The following EIF4G1 variants were observed in gnomAD, a reference collection of about 807,000 sequenced individuals.
The protein encoded by EIF4G1 is eukaryotic translation initiation factor 4 gamma 1, also known as EIF4-gamma.
In EIF4G1, 4 loss-of-function variants were observed where a neutral mutation model predicts 187.8. The observed-to-expected ratio is 0.02, with a 90% CI of 0.01 to 0.05. The LOEUF is 0.05. Among genes scored for constraint, EIF4G1 ranks in the 10% least tolerant of loss-of-function variants. EIF4G1 has a pLI of 1.00. For synonymous variants in EIF4G1, 844 were observed against 781.4 expected, an observed-to-expected ratio of 1.08 and a Z score of -1.34; for missense variants, 1,647 against 2,081.1, an observed-to-expected ratio of 0.79 and a Z score of 4.06.
At chr3:184,330,372 C>CTT (rs1725814188) in intron 28 of EIF4G1, among the ~76,000 whole-genome samples, 1 of 151,852 alleles carries the variant, frequency 6.6e-6, no homozygotes, top group South Asian at 2.1e-4. Context: ...GAGCAAGACT[C>CTT]TGTCTCAAAA....
Position 184,335,213 on chromosome 3 carries a change from T to A in EIF4G1, c.*305T>A. 2 of 367,614 alleles carry A rather than the reference T, an allele frequency of 5.4e-6. No homozygotes were observed. The highest frequency in any genetic ancestry group is 6.4e-5 in the South Asian group (2 of 31,418). 22.8% of individuals were successfully genotyped at this position (367,614 alleles called of 1,614,324 possible). ...CGCCTGCCCCTGGGGTCCTTTTTTTTATTTTCTGAAAATCACTCTCGGGAC... is the reference window on the plus strand; with the variant it reads ...CGCCTGCCCCTGGGGTCCTTTTTTTAATTTTCTGAAAATCACTCTCGGGAC... On this transcript the variant is annotated 3_prime_UTR_variant, in exon 33 of 33. Coordinates refer to ENST00000346169, the MANE Select transcript of EIF4G1 (RefSeq NM_198241.3).
intron 3 of EIF4G1, 134 bp from the exon 4 acceptor site, chr3:184,315,997 CG>C: frequency 6.5e-7 from 1 of 1,529,154 alleles, no homozygotes; most frequent in Non-Finnish European, 8.8e-7. Flanking sequence ...GGGCTGTCCC[CG>C]GGGGCTGTCA....
chr3:184,333,414 C>T (rs1327089013), intron 32 of EIF4G1, among the ~76,000 whole-genome samples: 2 of 152,044 alleles, frequency 1.3e-5, no homozygotes, highest in East Asian at 1.9e-4. Flanking sequence ...TAAGAGGATA[C>T]GGGCTTGCCT....
intron 17 of EIF4G1, 67 bp downstream of exon 17, chr3:184,324,414 G>A: frequency 1.6e-5 from 25 of 1,609,408 alleles, no homozygotes; most frequent in Non-Finnish European, 2.1e-5. Flanking sequence ...ATGCTACTCA[G>A]CTGTAGAATT....
intron 6 of EIF4G1, among the ~76,000 whole-genome samples, chr3:184,318,352 C>T (rs1028466766): frequency 3.3e-5 from 5 of 152,146 alleles, no homozygotes; most frequent in African/African-American, 7.2e-5. Context: ...AAGAATGTGC[C>T]CGGATCTTGC....
rs1723052106 is a variant in EIF4G1, at chr3:184,317,785, A to G, written c.393A>G (p.Pro131=). 3.1e-6 allele frequency: 5 copies of G among 1,613,998 alleles called. No individual in the cohort carries two copies. Among genetic ancestry groups the G allele is most frequent in the African/African-American group, 1.3e-5 (1 of 74,932 alleles). Residue 131 remains proline, a synonymous_variant, in exon 6 of 33, where the codon CCA becomes CCG. Coordinates refer to ENST00000346169, the MANE Select transcript of EIF4G1 (RefSeq NM_198241.3). ...PVQPGAPGFY[P]GASPTEFGTY... is the part of the protein sequence containing the mutation. ...AGCCAGGAGCCCCAGGCTTCTATCC[A>G]GGTGCAAGCCCTACAGAATTTGGGA...
In EIF4G1 at chr3:184,325,132, T is replaced by C. The variant is rs776329930; in HGVS notation, c.2856+18T>C. 3.7e-6 allele frequency: 6 copies of C among 1,612,358 alleles called. No homozygotes were observed. Among genetic ancestry groups the C allele is most frequent in the Non-Finnish European group, 5.1e-6 (6 of 1,178,692 alleles). ...AAGCCAAGGTAGAGGTCCTTGCATC[T>C]GGAGGGGGATGGGCTGAAGCATATG... On this transcript the variant is annotated intron_variant, in intron 18 of 32. Transcript: ENST00000346169. This position sits in a 1 kb window ranked among gnomAD's most constrained non-coding sequence, Gnocchi z 5.2.
At chr3:184,330,253 C>A (rs1725789229) in intron 28 of EIF4G1, among the ~76,000 whole-genome samples, 1 of 152,106 alleles carries the variant, frequency 6.6e-6, no homozygotes, top group Non-Finnish European at 1.5e-5. Context: ...GTGGTGCGCA[C>A]CTGTAGTCCC....
intron 28 of EIF4G1, among the ~76,000 whole-genome samples, chr3:184,329,589 C>T (rs916977868): frequency 6.6e-6 from 1 of 152,156 alleles, no homozygotes; most frequent in Non-Finnish European, 1.5e-5. Context: ...GATTGTGCCA[C>T]TGCACTCCAG....
intron 32 of EIF4G1, among the ~76,000 whole-genome samples, chr3:184,332,573 A>T (rs1321144799): frequency 6.6e-6 from 1 of 151,998 alleles, no homozygotes; most frequent in Non-Finnish European, 1.5e-5. Flanking sequence ...GAAGCCGAGC[A>T]ATTTCCTGTG....
chr3:184,328,885 C>T lies in EIF4G1; in HGVS notation c.4080-24C>T. 1.9e-6 allele frequency: 3 copies of T among 1,614,082 alleles called. 1 individual carries two copies. In the East Asian group the frequency reaches 6.7e-5, roughly 36 times the overall value. ...GTGAGAGAACTGTGGAGGCTGTCAG[C>T]ATTAGGTTTTTCTCTTCTTGTAGGG... On this transcript the variant is annotated intron_variant, in intron 27 of 32. Transcript: ENST00000346169.
chr3:184,322,367 G>T lies in EIF4G1; in HGVS notation c.1525G>T (p.Val509Leu), dbSNP rs753671653. The change falls in exon 11 of 33, where the codon GTA becomes TTA. Residue 509 changes from valine (V) to leucine (L), a missense_variant. This residue lies in a region of EIF4G1 where 522 missense variants were observed against 485.2 expected (regional missense o/e 1.08). Transcript: ENST00000346169. ...ATTTATTTATTTTTAATTAGTGGCA[G>T]TATCTGTGCCAAAGAGGAGACGGAA... is the stretch of plus-strand genomic sequence containing the variant. ...LEAAAATQVA[V>L]SVPKRRRKIK... is the part of the protein sequence containing the mutation. 1 of 1,613,746 alleles carries T rather than the reference G, an allele frequency of 6.2e-7. No homozygotes were observed. Among genetic ancestry groups the T allele is most frequent in the African/African-American group, 1.3e-5 (1 of 74,912 alleles).
At position 184,323,590 on chromosome 3, in the gene EIF4G1, C is replaced by T. The variant is rs571819787; in HGVS notation, c.2271C>T (p.Thr757=). The change falls in exon 15 of 33, where the codon ACC becomes ACT. Residue 757 remains threonine (T), a synonymous_variant. Transcript: ENST00000346169. This position sits in a 1 kb window ranked among gnomAD's most constrained non-coding sequence, Gnocchi z 6.9. Reference sequence around the variant, plus strand: ...AAGAAGATGCTGATGGCAGCAAAACCCAGGTACTGGCAAGTCCTGCTTTTG... The same window carrying T: ...AAGAAGATGCTGATGGCAGCAAAACTCAGGTACTGGCAAGTCCTGCTTTTG... ...RGEEDADGSK[T]QDLFRRVRSI... The T allele has an allele frequency of 2.7e-5, 44 of 1,614,034 alleles. 1 individual carries two copies. The East Asian group carries it at 4.2e-4, about 16-fold the overall frequency.
intron 30 of EIF4G1, 21 bp from the exon 31 acceptor site, chr3:184,331,707 T>A (rs1560232089): frequency 6.2e-7 from 1 of 1,614,068 alleles, no homozygotes; most frequent in Non-Finnish European, 8.5e-7. Context: ...AATCTGGGGA[T>A]CATTTGTTTC....
chr3:184,326,964 A>C lies in EIF4G1; in HGVS notation c.3409A>C (p.Asn1137His). The C allele has an allele frequency of 6.2e-7, 1 of 1,614,184 alleles. No homozygotes were observed. Among genetic ancestry groups the C allele is most frequent in the Admixed American group, 1.7e-5 (1 of 60,016 alleles). Residue 1137 changes from asparagine (N) to histidine (H), a missense_variant, in exon 23 of 33, where the codon AAT becomes CAT. By Grantham distance (68) the Asn-to-His change is moderately conservative (BLOSUM62 1). This residue lies in a region of EIF4G1 where 543 missense variants were observed against 638.0 expected (regional missense o/e 0.85). Transcript: ENST00000346169. ...QQAVPTESTD[N>H]RRVVQRSSLS... ...AGCGGTACCCACAGAAAGCACAGAT[A>C]ATAGACGTGTGGTGCAGAGGTGAGG...
chr3:184,323,920 C>G lies in EIF4G1; in HGVS notation c.2415C>G (p.Ala805=). The G allele has an allele frequency of 6.2e-7, 1 of 1,614,186 alleles. No individual in the cohort carries two copies. Among genetic ancestry groups the G allele is most frequent in the Non-Finnish European group, 8.5e-7 (1 of 1,180,046 alleles). Residue 805 remains alanine, a synonymous_variant, in exon 16 of 33, where the codon GCC becomes GCG. Coordinates refer to ENST00000346169, the MANE Select transcript of EIF4G1 (RefSeq NM_198241.3). This position sits in a 1 kb window ranked among gnomAD's most constrained non-coding sequence, Gnocchi z 6.9. ...KGVIDLIFEK[A]ISEPNFSVAY... ...TCATTGACCTCATTTTTGAGAAGGC[C>G]ATTTCAGAGCCCAACTTCTCTGTGG...
In EIF4G1 at chr3:184,323,747, C is replaced by G. The variant is rs1203947183; in HGVS notation, c.2275-33C>G. 2 of 1,612,648 alleles carry G rather than the reference C, an allele frequency of 1.2e-6. No homozygotes were observed. Among genetic ancestry groups the G allele is most frequent in the Non-Finnish European group, 1.7e-6 (2 of 1,179,884 alleles). ...CCCTCCCAACAGCCTGTTCTGAGAC[C>G]CTCACTGGAACTCTTGTCTCTTCTC... On this transcript the variant is annotated intron_variant, in intron 15 of 32. Transcript: ENST00000346169. This position sits in a 1 kb window ranked among gnomAD's most constrained non-coding sequence, Gnocchi z 6.9.
intron 1 of EIF4G1, among the ~76,000 whole-genome samples, chr3:184,314,911 G>A (rs1560203784): frequency 1.3e-5 from 2 of 151,294 alleles, no homozygotes; most frequent in East Asian, 2.0e-4. Flanking sequence ...CGGGCCCCGC[G>A]GGCTGGTAGG....
chr3:184,324,068 A>G (rs1435433956), intron 16 of EIF4G1, 91 bp downstream of exon 16: 1 of 1,604,906 alleles, frequency 6.2e-7, no homozygotes, highest in East Asian at 2.2e-5. Flanking sequence ...TTCCCCTCCA[A>G]CTTGTGCCTC....
Sources: gnomAD v4.1 joint callset for allele counts (sites outside exome capture counted in the v4.1 genomes callset) on GRCh38, gnomAD v4.1.1 for gene constraint, gnomAD v4.1.1 regional missense constraint, Gnocchi (gnomAD v3.1) non-coding constraint, MANE v1.5 for transcripts, NCBI Gene and HGNC (gene_info 2026-07-23, HGNC 2026-07-21) for gene names.